IL1RAPL1: variants seen among roughly 807,000 people sequenced by gnomAD.
The protein encoded by IL1RAPL1 is interleukin 1 receptor accessory protein like 1.
In IL1RAPL1, 3 loss-of-function variants were observed where a neutral mutation model predicts 48.4. The ratio of observed to expected loss-of-function variants is 0.06; its 90% CI spans 0.03 to 0.16. The LOEUF is 0.16. Ranked by LOEUF, IL1RAPL1 falls within the 10% of genes least tolerant of loss-of-function variation. The pLI, the probability that IL1RAPL1 is intolerant of heterozygous loss-of-function variation, is 1.00. For synonymous variants in IL1RAPL1, 185 were observed against 187.7 expected (o/e 0.99, Z 0.12); for missense variants, 349 against 530.6 (o/e 0.66, Z 3.36).
intron 6 of IL1RAPL1, among the ~76,000 whole-genome samples, chrX:29,733,854 C>G (rs1927981141): frequency 8.9e-6 from 1 of 112,715 alleles, no homozygotes; most frequent in African/African-American, 3.2e-5. Flanking sequence ...AACATTGATA[C>G]ATAACAGGGA....
intron 1 of IL1RAPL1, 28 bp from the exon 2 acceptor site, chrX:28,789,292 T>C: frequency 2.2e-6 from 2 of 909,595 alleles, no homozygotes; most frequent in South Asian, 2.0e-5. Context: ...AACATGTATG[T>C]TTTTCTTCTT....
rs145605396 is a variant in IL1RAPL1, at chrX:29,348,736, G to A, written c.363-47522G>A. On this transcript the variant is annotated intron_variant, in intron 3 of 10. Transcript: ENST00000378993. The stretch of plus-strand genomic sequence containing the variant: ...AAGATGCTGGAAGAATTTTGAGGGT[G>A]ACTCTTTCAAACAAGTATTTGAAAA... Among the ~76,000 whole-genome samples, 592 of 111,799 alleles carry A rather than the reference G, an allele frequency of 5.3e-3. 5 individuals carry two copies. The highest frequency in any genetic ancestry group is 0.048 in the East Asian group (171 of 3,535).
intron 5 of IL1RAPL1, among the ~76,000 whole-genome samples, chrX:29,556,445 T>A (rs1212745911): frequency 9.0e-6 from 1 of 110,730 alleles, no homozygotes; most frequent in Non-Finnish European, 1.9e-5. Flanking sequence ...GGTCAGGAGT[T>A]GAGACCAGCC....
At chrX:29,117,134 A>ACAAAT (rs1928693000) in intron 2 of IL1RAPL1, among the ~76,000 whole-genome samples, 1 of 111,563 alleles carries the variant, frequency 9.0e-6, no homozygotes, top group Non-Finnish European at 1.9e-5. Context: ...TCCCAGGGAA[A>ACAAAT]GAGACAGAAA....
intron 2 of IL1RAPL1, among the ~76,000 whole-genome samples, chrX:28,820,058 G>A (rs1305270977): frequency 2.3e-5 from 2 of 88,095 alleles, no homozygotes; most frequent in African/African-American, 8.0e-5. Context: ...ATGGAATTAA[G>A]ATACTTTATC....
intron 2 of IL1RAPL1, among the ~76,000 whole-genome samples, chrX:28,909,581 C>A (rs1316668773): frequency 1.8e-5 from 2 of 111,404 alleles, no homozygotes; most frequent in South Asian, 3.7e-4. Flanking sequence ...TAACTCAATC[C>A]TTTAAGAAGA....
chrX:29,936,099 C>A (rs1933027920), intron 8 of IL1RAPL1, among the ~76,000 whole-genome samples: 1 of 109,549 alleles, frequency 9.1e-6, no homozygotes, highest in Non-Finnish European at 1.9e-5. Flanking sequence ...TGTGTTTCCC[C>A]CACCCCCCGC....
At chrX:29,818,576 G>T (rs776266440) in intron 6 of IL1RAPL1, among the ~76,000 whole-genome samples, 10 of 112,132 alleles carry the variant, frequency 8.9e-5, no homozygotes, top group African/African-American at 3.2e-4. Context: ...TTGGAAGCAC[G>T]ATATCTTTCT....
chrX:29,636,558 A>G (rs141295469), intron 5 of IL1RAPL1, among the ~76,000 whole-genome samples: 1 of 111,914 alleles, frequency 8.9e-6, no homozygotes, highest in Non-Finnish European at 1.9e-5. Flanking sequence ...ACCTTTGAAC[A>G]TGAAAGAGAG....
At chrX:29,775,513 G>A (rs1459625845) in intron 6 of IL1RAPL1, among the ~76,000 whole-genome samples, 1 of 111,256 alleles carries the variant, frequency 9.0e-6, no homozygotes, top group East Asian at 2.8e-4. Flanking sequence ...CAGTGTATTA[G>A]GCGAAGGGAG....
chrX:29,883,473 A>G (rs1932070714), intron 6 of IL1RAPL1, among the ~76,000 whole-genome samples: 1 of 108,587 alleles, frequency 9.2e-6, no homozygotes, highest in South Asian at 3.7e-4. Flanking sequence ...ACATTAGACC[A>G]TTATAAAAAA....
At position 28,883,079 on chromosome X, in the gene IL1RAPL1, T is replaced by C. The variant is rs112562436; in HGVS notation, c.82+93654T>C. On this transcript the variant is annotated intron_variant, in intron 2 of 10. Coordinates refer to ENST00000378993, the MANE Select transcript of IL1RAPL1 (RefSeq NM_014271.4). ...TTTAAAATAGACTCCTATAACTTTA[T>C]TTAATCCCCATAATAACCACAAATA... Among the ~76,000 whole-genome samples, 534 of 111,136 alleles carry C rather than the reference T, an allele frequency of 4.8e-3. 2 individuals are homozygous for C. The highest frequency in any genetic ancestry group is 0.017 in the African/African-American group (514 of 30,344).
At chrX:28,977,820 G>T (rs1925240877) in intron 2 of IL1RAPL1, among the ~76,000 whole-genome samples, 1 of 111,824 alleles carries the variant, frequency 8.9e-6, no homozygotes. Flanking sequence ...AGCTGTGCAT[G>T]GTGATGCGTG....
intron 5 of IL1RAPL1, among the ~76,000 whole-genome samples, chrX:29,501,465 C>T (rs1018989037): frequency 1.0e-3 from 111 of 110,880 alleles, no homozygotes; most frequent in African/African-American, 3.4e-3. Flanking sequence ...AGTTTTTAAT[C>T]CATTTTGATT....
intron 6 of IL1RAPL1, among the ~76,000 whole-genome samples, chrX:29,748,720 A>G (rs1307473248): frequency 9.0e-6 from 1 of 111,244 alleles, no homozygotes; most frequent in Non-Finnish European, 1.9e-5. Flanking sequence ...TCTGGAGACA[A>G]ATTGATATTT....
At chrX:29,579,521 C>G (rs1307593738) in intron 5 of IL1RAPL1, among the ~76,000 whole-genome samples, 1 of 111,867 alleles carries the variant, frequency 8.9e-6, no homozygotes, top group Non-Finnish European at 1.9e-5. Context: ...TTACAGAAAA[C>G]TTTGTACTGT....
At chrX:29,708,405 T>G (rs1325657774) in intron 6 of IL1RAPL1, among the ~76,000 whole-genome samples, 2 of 111,912 alleles carry the variant, frequency 1.8e-5, no homozygotes, top group African/African-American at 6.5e-5. Context: ...CTCTGCAGCC[T>G]CTGGCAACCA....
chrX:29,707,092 G>A (rs1372283607), intron 6 of IL1RAPL1, among the ~76,000 whole-genome samples: 3 of 110,791 alleles, frequency 2.7e-5, no homozygotes, highest in African/African-American at 9.9e-5. Flanking sequence ...ACAAATCAGC[G>A]AGAAAAAAAT....
chrX:28,668,292 C>T (rs1352169592), intron 1 of IL1RAPL1, among the ~76,000 whole-genome samples: 1 of 111,278 alleles, frequency 9.0e-6, no homozygotes, highest in African/African-American at 3.3e-5. Flanking sequence ...GGAGTCTCAC[C>T]CTGTCGCCCA....
Sources: allele counts gnomAD v4.1 joint callset (sites outside exome capture counted in the v4.1 genomes callset), GRCh38; gene constraint gnomAD v4.1.1; transcripts MANE v1.5; gene names NCBI Gene and HGNC (gene_info 2026-07-23, HGNC 2026-07-21).